The following EPM2A variants were observed in gnomAD, a reference collection of about 807,000 sequenced individuals.
EPM2A encodes laforin.
In EPM2A, 21 loss-of-function variants were observed where a neutral mutation model predicts 26.5. The ratio of observed to expected loss-of-function variants is 0.79; its 90% CI spans 0.56 to 1.14. The LOEUF is 1.14. Ranked by LOEUF, EPM2A falls within the 50% of genes most tolerant of loss-of-function variation. EPM2A has a pLI of 0.00. For synonymous variants in EPM2A, 217 were observed against 177.6 expected (o/e 1.22, Z -1.76); for missense variants, 458 against 440.8 (o/e 1.04, Z -0.35).
intron 2 of EPM2A, among the ~76,000 whole-genome samples, chr6:145,580,792 A>C (rs1424007675): frequency 6.6e-6 from 1 of 152,122 alleles, no homozygotes; most frequent in Non-Finnish European, 1.5e-5. Flanking sequence ...CTCCTGTGTC[A>C]ATTCACTTAG....
chr6:145,409,779 A>G (rs1265856546), intron 4 of EPM2A, among the ~76,000 whole-genome samples: 1 of 152,130 alleles, frequency 6.6e-6, no homozygotes, highest in Non-Finnish European at 1.5e-5. Context: ...CTTGGCTTGA[A>G]CAGCACTAGA....
chr6:145,403,170 A>T (rs1409307730), intron 4 of EPM2A, among the ~76,000 whole-genome samples: 2 of 152,128 alleles, frequency 1.3e-5, no homozygotes, highest in African/African-American at 2.4e-5. Flanking sequence ...TGTAATGTGA[A>T]ATGATCAAAT....
intron 2 of EPM2A, among the ~76,000 whole-genome samples, chr6:145,512,680 C>T (rs909285703): frequency 3.0e-5 from 4 of 132,702 alleles, no homozygotes; most frequent in African/African-American, 1.1e-4. Flanking sequence ...CACTGTACTC[C>T]AGCCCGGGCA....
chr6:145,459,916 C>T (rs777087301), intron 4 of EPM2A, among the ~76,000 whole-genome samples: 11 of 152,078 alleles, frequency 7.2e-5, no homozygotes, highest in South Asian at 2.1e-4. Context: ...TCATCTTTTC[C>T]AACCCTCTCA....
In EPM2A at chr6:145,550,394, G is replaced by T. The variant is rs74385055; in HGVS notation, c.341-47819C>A. Among the ~76,000 whole-genome samples the T allele has an allele frequency of 5.2e-3, 797 of 151,978 alleles. 8 individuals are homozygous for T. Among genetic ancestry groups the T allele is most frequent in the African/African-American group, 0.018 (760 of 41,454 alleles). On this transcript the variant is annotated intron_variant, in intron 2 of 3. Coordinates refer to the EPM2A transcript ENST00000450221. ...GGGATATAAGCTTTTATACCTCACCGGGTTTGGGGGTATTCACTTTTATTT... is the reference window on the plus strand; with the variant it reads ...GGGATATAAGCTTTTATACCTCACCTGGTTTGGGGGTATTCACTTTTATTT...
chr6:145,732,201 T>TTGTGTGTGTGTGTG (rs66889564), intron 1 of EPM2A, among the ~76,000 whole-genome samples: 7 of 138,462 alleles, frequency 5.1e-5, no homozygotes, highest in African/African-American at 2.0e-4. Flanking sequence ...CAGCTAAGAC[T>TTGTGTGTGTGTGTG]TGTGTGTGTG....
At chr6:145,411,189 A>T (rs954522498) in intron 4 of EPM2A, among the ~76,000 whole-genome samples, 3 of 152,228 alleles carry the variant, frequency 2.0e-5, no homozygotes, top group Admixed American at 2.0e-4. Context: ...GGTCAAAAGG[A>T]CTACTTGACC....
At chr6:145,487,803 CAGA>C (rs1347546511) in intron 4 of EPM2A, among the ~76,000 whole-genome samples, 1 of 152,106 alleles carries the variant, frequency 6.6e-6, no homozygotes, top group East Asian at 1.9e-4. Context: ...TTTGGCTGTG[CAGA>C]AGCTCTCTAG....
intron 1 of EPM2A, among the ~76,000 whole-genome samples, chr6:145,730,835 G>A (rs1386437412): frequency 6.6e-6 from 1 of 152,192 alleles, no homozygotes. Flanking sequence ...AGGTCTTCTA[G>A]AAAAGCAACA....
Position 145,735,305 on chromosome 6 carries a change from T to C in EPM2A, c.194A>G (p.Glu65Gly). 7.5e-7 allele frequency: 1 copy of C among 1,336,990 alleles called. No homozygotes were observed. The highest frequency in any genetic ancestry group is 2.4e-5 in the Admixed American group (1 of 40,876). The allele number at this position is 1,336,990 out of a possible 1,614,324, so 82.8% of individuals were successfully genotyped here. Residue 65 changes from glutamate (E) to glycine (G), a missense_variant, in exon 1 of 4, where the codon GAG (glutamate) becomes GGG (glycine). Physicochemically the swap from Glu to Gly is moderately conservative, Grantham distance 98. Coordinates refer to ENST00000367519, the MANE Select transcript of EPM2A (RefSeq NM_005670.4). ...QEPGLWLGEVELAAEEAAQDG... is the reference protein window; with the variant it reads ...QEPGLWLGEVGLAAEEAAQDG... ...CTGCGCCGCCTCCTCGGCCGCCAGCTCCACCTCCCCGAGCCACAGGCCCGG... is the reference window on the plus strand; with the variant it reads ...CTGCGCCGCCTCCTCGGCCGCCAGCCCCACCTCCCCGAGCCACAGGCCCGG...
At chr6:145,539,483 G>A (rs1374813054) in intron 2 of EPM2A, among the ~76,000 whole-genome samples, 1 of 152,178 alleles carries the variant, frequency 6.6e-6, no homozygotes, top group Non-Finnish European at 1.5e-5. Flanking sequence ...CCCTGCCAGC[G>A]ATAAGGAGGA....
intron 1 of EPM2A, among the ~76,000 whole-genome samples, chr6:145,697,886 A>C (rs1233652486): frequency 6.6e-6 from 1 of 152,150 alleles, no homozygotes; most frequent in Non-Finnish European, 1.5e-5. Flanking sequence ...TAACGCAATC[A>C]TCACAGGGTC....
At chr6:145,392,778 T>A (rs1778355091) in intron 4 of EPM2A, among the ~76,000 whole-genome samples, 1 of 152,140 alleles carries the variant, frequency 6.6e-6, no homozygotes, top group African/African-American at 2.4e-5. Flanking sequence ...TTAGCGGGAC[T>A]ATTTTAGCCA....
At chr6:145,722,037 G>A (rs558573539) in intron 1 of EPM2A, among the ~76,000 whole-genome samples, 100 of 152,244 alleles carry the variant, frequency 6.6e-4, no homozygotes, top group African/African-American at 2.3e-3. Context: ...AAAGTAACAA[G>A]TAATATCATT....
chr6:145,436,603 G>A (rs1298316426), intron 4 of EPM2A, among the ~76,000 whole-genome samples: 1 of 151,854 alleles, frequency 6.6e-6, no homozygotes, highest in Non-Finnish European at 1.5e-5. Context: ...ATGATGTTGA[G>A]CTTTTTTTTG....
chr6:145,450,738 C>A (rs1253953668), intron 4 of EPM2A, among the ~76,000 whole-genome samples: 1 of 152,176 alleles, frequency 6.6e-6, no homozygotes, highest in Non-Finnish European at 1.5e-5. Flanking sequence ...CCTGGGTAGT[C>A]CAGCAGCTCT....
chr6:145,662,225 C>A (rs1271131384), intron 2 of EPM2A, among the ~76,000 whole-genome samples: 1 of 152,100 alleles, frequency 6.6e-6, no homozygotes, highest in African/African-American at 2.4e-5. Flanking sequence ...TGTAAACATA[C>A]AAGTAGCTAT....
At chr6:145,561,205 A>G (rs1448862216) in intron 2 of EPM2A, among the ~76,000 whole-genome samples, 3 of 148,922 alleles carry the variant, frequency 2.0e-5, no homozygotes, top group African/African-American at 5.0e-5. Flanking sequence ...ACAAATACCA[A>G]TTGTGTTTAA....
At chr6:145,488,522 T>TGTGAGAGAGA (rs1201742298) in intron 4 of EPM2A, among the ~76,000 whole-genome samples, 1 of 140,002 alleles carries the variant, frequency 7.1e-6, no homozygotes, top group African/African-American at 2.8e-5. Flanking sequence ...TGTGTGTGTG[T>TGTGAGAGAGA]GAGAGAGAGA....
Sources: gnomAD v4.1 joint callset for allele counts (sites outside exome capture counted in the v4.1 genomes callset) on GRCh38, gnomAD v4.1.1 for gene constraint, MANE v1.5 for transcripts, NCBI Gene and HGNC (gene_info 2026-07-23, HGNC 2026-07-21) for gene names.